Variants in PSMA8 observed in about 807,000 individuals in gnomAD.
The protein encoded by PSMA8 is proteasome subunit alpha-type 8.
A neutral mutation model predicts 32.4 loss-of-function variants in PSMA8; 18 were observed. The ratio of observed to expected loss-of-function variants is 0.56; its 90% confidence interval spans 0.38 to 0.82. The LOEUF (loss-of-function observed/expected upper bound fraction) is 0.82. Ranked by LOEUF, PSMA8 falls within the 40% of genes least tolerant of loss-of-function variation. The probability of loss-of-function intolerance (pLI) is 0.00; values close to 1 mark genes in which losing one functional copy is unlikely to be tolerated. For synonymous variants in PSMA8, 104 were observed against 98.1 expected (o/e 1.06, Z -0.36); for missense variants, 298 against 300.7 (o/e 0.99, Z 0.07).
chr18:26,156,711 A>T (rs1466355794), intron 3 of PSMA8, among the ~76,000 whole-genome samples: 3 of 148,300 alleles, frequency 2.0e-5, no homozygotes, highest in African/African-American at 7.4e-5. Context: ...TAAAATATAT[A>T]TACAATATAT....
In PSMA8 at chr18:26,171,273, A is replaced by G. The variant is rs2055218241; in HGVS notation, c.478-7557A>G. On this transcript the variant is annotated intron_variant, in intron 4 of 6. Coordinates refer to ENST00000415576, the MANE Select transcript of PSMA8 (RefSeq NM_001025096.2). Reference sequence around the variant, plus strand: ...CTGGGACACAGCGACGATGCAGTTTAGCGAACCAACCATGACAGCAGCGGG... The same window carrying G: ...CTGGGACACAGCGACGATGCAGTTTGGCGAACCAACCATGACAGCAGCGGG... The G allele has an allele frequency of 7.2e-6, 11 of 1,523,196 alleles. 2 individuals carry two copies. The highest frequency in any genetic ancestry group is 9.5e-6 in the Non-Finnish European group (11 of 1,160,466). The allele number at this position is 1,523,196 out of a possible 1,614,324, so 94.4% of individuals were successfully genotyped here.
rs73405472 is a variant in PSMA8 at position 26,166,510 on chromosome 18, G to C, written c.477+8266G>C. Reference sequence around the variant, plus strand: ...TCTTTTTGATGAAACCATAAAGATTGTTAGTTTTATTAAATCTTGACTCAG... The same window carrying C: ...TCTTTTTGATGAAACCATAAAGATTCTTAGTTTTATTAAATCTTGACTCAG... On this transcript the variant is annotated intron_variant, in intron 4 of 6. Transcript: ENST00000415576. Among the ~76,000 whole-genome samples the C allele has an allele frequency of 7.1e-3, 1,087 of 152,218 alleles. 16 individuals carry two copies. The highest frequency in any genetic ancestry group is 0.025 in the African/African-American group (1,030 of 41,536).
Position 26,192,501 on chromosome 18 carries a change from T to G in PSMA8, c.*90T>G. On this transcript the variant is annotated 3_prime_UTR_variant, in exon 7 of 7. Transcript: ENST00000415576. ...TGAAATTTTAGAGGAAAACAGTTAT[T>G]TTGCAGCATTACATGCAGTACTTGT... The G allele has an allele frequency of 7.2e-7, 1 of 1,396,926 alleles. No individual in the cohort carries two copies. The highest frequency in any genetic ancestry group is 9.4e-7 in the Non-Finnish European group (1 of 1,068,296). 86.5% of individuals were successfully genotyped at this position (1,396,926 alleles called of 1,614,324 possible). A position where few individuals can be genotyped will look rare whatever the true frequency, so the allele number is the denominator to read the frequency against.
intron 6 of PSMA8, among the ~76,000 whole-genome samples, chr18:26,180,436 G>A (rs936320875): frequency 5.9e-5 from 9 of 152,062 alleles, no homozygotes; most frequent in African/African-American, 1.9e-4. Context: ...ACTAACAGAT[G>A]GGATATGAGG....
At chr18:26,164,828 TATTATAATGTA>T (rs1340295865) in intron 4 of PSMA8, among the ~76,000 whole-genome samples, 3 of 152,222 alleles carry the variant, frequency 2.0e-5, no homozygotes, top group Non-Finnish European at 4.4e-5. Context: ...GGGATGTGAT[TATTATAATGTA>T]ATTATATAAG....
intron 1 of PSMA8, chr18:26,140,069 G>A (rs141263947): frequency 1.6e-4 from 115 of 702,938 alleles, no homozygotes; most frequent in East Asian, 1.6e-3. Flanking sequence ...GATTGTTCAC[G>A]ATTCTTGTGG....
intron 2 of PSMA8, among the ~76,000 whole-genome samples, chr18:26,145,134 T>C (rs2054992030): frequency 6.6e-6 from 1 of 152,074 alleles, no homozygotes; most frequent in Admixed American, 6.5e-5. Flanking sequence ...ATTTTTATTT[T>C]TGAGACAGAG....
intron 2 of PSMA8, among the ~76,000 whole-genome samples, chr18:26,146,881 G>C (rs1289285839): frequency 6.6e-6 from 1 of 152,122 alleles, no homozygotes; most frequent in Non-Finnish European, 1.5e-5. Context: ...CAGTTCCGTA[G>C]GCTGTACAGG....
intron 1 of PSMA8, among the ~76,000 whole-genome samples, chr18:26,140,290 C>G (rs79168724): frequency 0.15 from 22,621 of 152,166 alleles, 2,361 homozygotes; most frequent in Non-Finnish European, 0.23. Context: ...TGGGGTGGGC[C>G]TGGAACCTGA....
At position 26,184,700 on chromosome 18, in the gene PSMA8, G is replaced by A. The variant is rs781164459; in HGVS notation, c.660+5570G>A. Among the ~76,000 whole-genome samples, 7 of 148,402 alleles carry A rather than the reference G, an allele frequency of 4.7e-5. 1 individual carries two copies. Among genetic ancestry groups the A allele is most frequent in the African/African-American group, 1.8e-4 (7 of 39,860 alleles). On this transcript the variant is annotated intron_variant, in intron 6 of 6. Coordinates refer to ENST00000415576, the MANE Select transcript of PSMA8 (RefSeq NM_001025096.2). ...GAGGCAGGAGAATCACTTGAACTCA[G>A]GAAGCAAAGGTTGCGATGTGTCGAG...
rs569056821 is a variant in PSMA8, at chr18:26,167,465, A to T, written c.477+9221A>T. Among the ~76,000 whole-genome samples, 3 of 152,348 alleles carry T rather than the reference A, an allele frequency of 2.0e-5. No homozygotes were observed. The East Asian group carries it at 5.8e-4, about 29-fold the overall frequency. Reference sequence around the variant, plus strand: ...TAGAAAATATAATTATTTCATAAAAACATGTTTATATTAACATGTGTTATA... The same window carrying T: ...TAGAAAATATAATTATTTCATAAAATCATGTTTATATTAACATGTGTTATA... On this transcript the variant is annotated intron_variant, in intron 4 of 6. Coordinates refer to ENST00000415576, the MANE Select transcript of PSMA8 (RefSeq NM_001025096.2).
At chr18:26,185,530 T>A (rs2055346096) in intron 6 of PSMA8, among the ~76,000 whole-genome samples, 1 of 150,842 alleles carries the variant, frequency 6.6e-6, no homozygotes, top group East Asian at 2.0e-4. Flanking sequence ...TCCCTAACTC[T>A]GGAATGTAAG....
At chr18:26,150,042 CA>C (rs960007764) in intron 2 of PSMA8, among the ~76,000 whole-genome samples, 5 of 152,096 alleles carry the variant, frequency 3.3e-5, no homozygotes, top group African/African-American at 1.2e-4. Context: ...CAAAATGTTC[CA>C]AAATCTGAAA....
At chr18:26,142,521 GCTTT>G (rs1421987583) in intron 1 of PSMA8, among the ~76,000 whole-genome samples, 3 of 152,098 alleles carry the variant, frequency 2.0e-5, no homozygotes. Context: ...TTGAATAGAG[GCTTT>G]CTTTATCAGT....
At chr18:26,185,692 T>G (rs1361455878) in intron 6 of PSMA8, among the ~76,000 whole-genome samples, 1 of 150,920 alleles carries the variant, frequency 6.6e-6, no homozygotes, top group Non-Finnish European at 1.5e-5. Flanking sequence ...TTTTCAAATG[T>G]CTTCAGAGTC....
intron 6 of PSMA8, among the ~76,000 whole-genome samples, chr18:26,179,727 T>C (rs2055294669): frequency 6.6e-6 from 1 of 152,158 alleles, no homozygotes; most frequent in African/African-American, 2.4e-5. Flanking sequence ...CAGCTAGCTC[T>C]CTTTAGCTGA....
chr18:26,152,729 T>C (rs559911837), intron 3 of PSMA8, among the ~76,000 whole-genome samples: 7 of 152,236 alleles, frequency 4.6e-5, no homozygotes, highest in Non-Finnish European at 8.8e-5. Flanking sequence ...AGGTGGGGAC[T>C]AATGGGAGGA....
At chr18:26,170,913 G>C (rs2055215387) in intron 4 of PSMA8, 1 of 1,559,206 alleles carries the variant, frequency 6.4e-7, no homozygotes, top group Non-Finnish European at 8.5e-7. Flanking sequence ...GTGATTCATG[G>C]CTTCCTTATA....
rs1416031473 is a variant in PSMA8, at chr18:26,192,377, A to C, written c.719A>C (p.Glu240Ala). The C allele has an allele frequency of 6.5e-7, 1 of 1,533,528 alleles. No homozygotes were observed. Among genetic ancestry groups the C allele is most frequent in the Non-Finnish European group, 8.7e-7 (1 of 1,152,864 alleles). 95.0% of individuals were successfully genotyped at this position (1,533,528 alleles called of 1,614,324 possible). A position where few individuals can be genotyped will look rare whatever the true frequency, so the allele number is the denominator to read the frequency against. Residue 240 changes from glutamate to alanine, a missense_variant, in exon 7 of 7, where the codon GAA (glutamate) becomes GCA (alanine). Physicochemically the swap from Glu to Ala is moderately radical, Grantham distance 107. Transcript: ENST00000415576. ...ACTGAAATAGAAAAGGAAAAGGAAG[A>C]AGCAGAGAAGAAAAAATCAAAGAAA... ...YVTEIEKEKE[E>A]AEKKKSKKSV
Sources: gnomAD v4.1 joint callset for allele counts (sites outside exome capture counted in the v4.1 genomes callset) on GRCh38, gnomAD v4.1.1 for gene constraint, MANE v1.5 for transcripts, NCBI Gene and HGNC (gene_info 2026-07-23, HGNC 2026-07-21) for gene names.